The following METTL15 variants were observed in gnomAD, a reference collection of about 807,000 sequenced individuals.
METTL15 encodes methyltransferase 15, mitochondrial 12S rRNA N4-cytidine.
METTL15 carries 34 observed loss-of-function variants against 38.3 expected under a neutral mutation model. That is an observed-to-expected ratio of 0.89 (90% confidence interval 0.68 to 1.18). The LOEUF (loss-of-function observed/expected upper bound fraction) is 1.18. Ranked by LOEUF, METTL15 falls within the 50% of genes most tolerant of loss-of-function variation. The probability of loss-of-function intolerance (pLI) is 0.00; values close to 1 mark genes in which losing one functional copy is unlikely to be tolerated. For synonymous variants in METTL15, 162 were observed against 170.9 expected (o/e 0.95, Z 0.41); for missense variants, 438 against 498.4 (o/e 0.88, Z 1.15).
intron 4 of METTL15, among the ~76,000 whole-genome samples, chr11:28,251,170 TG>T (rs1226092060): frequency 6.6e-6 from 1 of 152,076 alleles, no homozygotes; most frequent in Non-Finnish European, 1.5e-5. Context: ...TTTGAAGAGA[TG>T]GCAAAATTAC....
At chr11:28,290,174 G>A (rs750572165) in intron 4 of METTL15, 32 bp from the exon 5 acceptor site, 1 of 1,556,958 alleles carries the variant, frequency 6.4e-7, no homozygotes, top group South Asian at 1.2e-5. Context: ...TCTAACAGAA[G>A]TGTTTTCTCT....
At chr11:28,126,947 A>T (rs895436675) in intron 3 of METTL15, among the ~76,000 whole-genome samples, 1 of 152,124 alleles carries the variant, frequency 6.6e-6, no homozygotes, top group South Asian at 2.1e-4. Flanking sequence ...TAGACAATTA[A>T]ATAGGTTAAG....
At position 28,431,157 on chromosome 11, in the gene METTL15, G is replaced by A. The variant is rs1419296370; in HGVS notation, c.*424+6793G>A. 2.5e-4 allele frequency among the ~76,000 whole-genome samples: 22 copies of A among 89,504 alleles called. 1 individual carries two copies. Among genetic ancestry groups the A allele is most frequent in the African/African-American group, 7.0e-4 (21 of 29,890 alleles). The allele number at this position is 89,504 out of a possible 152,430, so 58.7% of individuals were successfully genotyped here. A position where few individuals can be genotyped will look rare whatever the true frequency, so the allele number is the denominator to read the frequency against. Reference sequence around the variant, plus strand: ...AGCCGCCCCATCCGGGAGGGAGGTGGGGGGGTCAGCCCCCTGCCCGGCCAT... The same window carrying A: ...AGCCGCCCCATCCGGGAGGGAGGTGAGGGGGTCAGCCCCCTGCCCGGCCAT... On this transcript the variant is annotated intron_variant and NMD_transcript_variant, in intron 6 of 7. Coordinates refer to the METTL15 transcript ENST00000532947.
At chr11:28,499,652 T>A (rs1011115104) in intron 6 of METTL15, among the ~76,000 whole-genome samples, 3 of 152,158 alleles carry the variant, frequency 2.0e-5, no homozygotes, top group African/African-American at 7.2e-5. Flanking sequence ...GACTGCTGAA[T>A]AAGTGACCAG....
chr11:28,448,831 T>C (rs1444889414), intron 6 of METTL15, among the ~76,000 whole-genome samples: 2 of 148,396 alleles, frequency 1.3e-5, no homozygotes, highest in African/African-American at 4.9e-5. Flanking sequence ...TGGCAAAAGC[T>C]CCAGGTCATT....
intron 5 of METTL15, among the ~76,000 whole-genome samples, chr11:28,377,486 T>G (rs1288006135): frequency 1.3e-5 from 2 of 152,304 alleles, no homozygotes; most frequent in East Asian, 3.9e-4. Flanking sequence ...CACGTAGTTC[T>G]CGAGCCTTGG....
rs2090315714 is a variant in METTL15, at chr11:28,333,307, T to A, written c.*2466T>A. 4 of 152,272 alleles carry A rather than the reference T, an allele frequency of 2.6e-5. No homozygotes were observed. The South Asian group carries it at 8.3e-4, about 32-fold the overall frequency. 9.4% of individuals were successfully genotyped at this position (152,272 alleles called of 1,614,324 possible). On this transcript the variant is annotated 3_prime_UTR_variant, in exon 7 of 7. Transcript: ENST00000407364. Reference sequence around the variant, plus strand: ...GTTTTCATGTAAAAATAAATTAACTTTTCTGTAATTAGATTGTGTTTTATA... The same window carrying A: ...GTTTTCATGTAAAAATAAATTAACTATTCTGTAATTAGATTGTGTTTTATA...
intron 6 of METTL15, among the ~76,000 whole-genome samples, chr11:28,463,597 A>G (rs2133457052): frequency 6.6e-6 from 1 of 152,310 alleles, no homozygotes; most frequent in East Asian, 1.9e-4. Flanking sequence ...CTGAAACTGC[A>G]TAGCATGAGG....
At chr11:28,422,453 G>A (rs1850828668) in intron 5 of METTL15, among the ~76,000 whole-genome samples, 1 of 152,004 alleles carries the variant, frequency 6.6e-6, no homozygotes, top group Non-Finnish European at 1.5e-5. Flanking sequence ...CAGAGCTATA[G>A]TAACAAAAAC....
chr11:28,354,203 C>G (rs1320393665), intron 4 of METTL15, among the ~76,000 whole-genome samples: 1 of 152,276 alleles, frequency 6.6e-6, no homozygotes, highest in South Asian at 2.1e-4. Context: ...CAAAAGCACT[C>G]CCATAGAGCA....
chr11:28,296,405 T>G (rs894035864), intron 5 of METTL15, among the ~76,000 whole-genome samples: 1 of 152,110 alleles, frequency 6.6e-6, no homozygotes, highest in Non-Finnish European at 1.5e-5. Context: ...CAAGCAGTAA[T>G]TTAAATTTTG....
Position 28,254,946 on chromosome 11 carries a change from T to C in METTL15, c.408-35260T>C, listed in dbSNP as rs780089664. ...TTGCTCAGGATAGCCTTGGCTATTC[T>C]AGGACATTTGTGGTTCCATATAAAT... On this transcript the variant is annotated intron_variant, in intron 4 of 6. Coordinates refer to ENST00000407364, the MANE Select transcript of METTL15 (RefSeq NM_001113528.2). 3.3e-5 allele frequency among the ~76,000 whole-genome samples: 5 copies of C among 152,282 alleles called. No homozygotes were observed. In the South Asian group the frequency reaches 8.3e-4, roughly 25 times the overall value.
At chr11:28,438,850 T>G (rs1429870809) in intron 6 of METTL15, among the ~76,000 whole-genome samples, 1 of 151,594 alleles carries the variant, frequency 6.6e-6, no homozygotes, top group Non-Finnish European at 1.5e-5. Context: ...AATTTTTGTA[T>G]TTTAGTAGAG....
intron 3 of METTL15, among the ~76,000 whole-genome samples, chr11:28,125,052 A>G (rs1224564042): frequency 6.6e-6 from 1 of 152,106 alleles, no homozygotes; most frequent in Non-Finnish European, 1.5e-5. Flanking sequence ...TAGAAGTTAA[A>G]TACAGACAGG....
intron 5 of METTL15, among the ~76,000 whole-genome samples, chr11:28,415,979 C>A (rs1291713102): frequency 1.3e-5 from 2 of 152,156 alleles, no homozygotes; most frequent in Non-Finnish European, 2.9e-5. Context: ...TAACATATGT[C>A]TAAATACTTA....
chr11:28,305,520 C>T (rs1427810722), intron 6 of METTL15, among the ~76,000 whole-genome samples: 1 of 152,036 alleles, frequency 6.6e-6, no homozygotes, highest in Admixed American at 6.6e-5. Context: ...GGTTACTTTC[C>T]TCTTGTCAAC....
chr11:28,424,196 C>T (rs577750318), intron 5 of METTL15: 1 of 152,084 alleles, frequency 6.6e-6, no homozygotes, highest in East Asian at 1.9e-4. Context: ...ACTAGTCTTG[C>T]TAATAAGTAA....
chr11:28,183,490 G>T lies in METTL15; in HGVS notation c.271-27572G>T, dbSNP rs181349690. Among the ~76,000 whole-genome samples the T allele has an allele frequency of 3.3e-3, 508 of 152,110 alleles. 6 individuals are homozygous for T. The highest frequency in any genetic ancestry group is 0.012 in the African/African-American group (490 of 41,502). Reference sequence around the variant, plus strand: ...GAAAGGCTGTTGAATTTTGTTGAAGGCCTTTTCTGCATCTATTGAGATAAT... The same window carrying T: ...GAAAGGCTGTTGAATTTTGTTGAAGTCCTTTTCTGCATCTATTGAGATAAT... On this transcript the variant is annotated intron_variant, in intron 3 of 6. Transcript: ENST00000407364.
At chr11:28,145,450 T>A (rs1028589996) in intron 3 of METTL15, 12 of 152,082 alleles carry the variant, frequency 7.9e-5, no homozygotes, top group Non-Finnish European at 1.5e-4. Flanking sequence ...TTATTGGTAA[T>A]TTGTTTGGGA....
Sources: allele counts gnomAD v4.1 joint callset (sites outside exome capture counted in the v4.1 genomes callset), GRCh38; gene constraint gnomAD v4.1.1; transcripts MANE v1.5; gene names NCBI Gene and HGNC (gene_info 2026-07-23, HGNC 2026-07-21).